CA10: variants seen among roughly 807,000 people sequenced by gnomAD.
CA10 encodes the protein carbonic anhydrase 10 (inactive), also known as carbonic anhydrase-related protein 10.
A neutral mutation model predicts 44.2 loss-of-function variants in CA10; 14 were observed. That is an observed-to-expected ratio of 0.32 (90% CI 0.21 to 0.50). The LOEUF (loss-of-function observed/expected upper bound fraction) is 0.50. Ranked by LOEUF, CA10 falls within the 20% of genes least tolerant of loss-of-function variation. The pLI is 0.99. For missense variants in CA10, 350 were observed against 409.7 expected (o/e 0.85, Z 1.26); for synonymous variants, 159 against 141.6 (o/e 1.12, Z -0.87).
chr17:52,023,603 C>T (rs190148948), intron 2 of CA10, among the ~76,000 whole-genome samples: 3 of 151,886 alleles, frequency 2.0e-5, no homozygotes, highest in Admixed American at 6.6e-5. Flanking sequence ...ACAAAAAAAC[C>T]TCCAACATTT....
intron 3 of CA10, among the ~76,000 whole-genome samples, chr17:51,897,792 C>T (rs1405229737): frequency 4.6e-5 from 7 of 151,996 alleles, no homozygotes; most frequent in Non-Finnish European, 8.8e-5. Flanking sequence ...CCCTGGTTAG[C>T]TGTATTCCTA....
At chr17:51,779,452 C>T (rs182089274) in intron 3 of CA10, among the ~76,000 whole-genome samples, 69 of 152,242 alleles carry the variant, frequency 4.5e-4, no homozygotes, top group Non-Finnish European at 6.6e-4. Context: ...CACAGGGTTA[C>T]GCTGGAAAAT....
chr17:52,015,119 T>C (rs544117687), intron 2 of CA10, among the ~76,000 whole-genome samples: 1 of 152,208 alleles, frequency 6.6e-6, no homozygotes, highest in South Asian at 2.1e-4. Flanking sequence ...AGTGTAGTGA[T>C]CCCTTCTAGT....
rs1904743576 is a variant in CA10 at position 51,747,691 on chromosome 17, C to T, written c.407G>A (p.Gly136Glu). Residue 136 changes from glycine to glutamate, a missense_variant, in exon 4 of 9, where the codon GGG becomes GAG. Physicochemically the swap from Gly to Glu is moderately conservative, Grantham distance 98. Transcript: ENST00000451037. ...CTCCGACCCTTGGCTGTCCTCACTC[C>T]CAAAGTGTAGTCGGATCTCCTCCAG... is the stretch of plus-strand genomic sequence containing the variant. The part of the protein sequence containing the change: ...HRLEEIRLHF[G>E]SEDSQGSEHL... 6.2e-7 allele frequency: 1 copy of T among 1,614,042 alleles called. No individual in the cohort carries two copies. The highest frequency in any genetic ancestry group is 8.5e-7 in the Non-Finnish European group (1 of 1,180,016).
In CA10 at chr17:51,653,734, C is replaced by T. The variant is rs1479552165; in HGVS notation, c.468G>A (p.Val156=). Residue 156 remains valine (V), a splice_region_variant and synonymous_variant, in exon 5 of 9, where the codon GTG becomes GTA. Transcript: ENST00000451037. The stretch of plus-strand genomic sequence containing the variant: ...GCTCATGGTTATAGTGGATGAGCTG[C>T]ACCTGGCAGGAGGGAAAAACAAGAA... ...LLNGQAFSGE[V]QLIHYNHELY... is the part of the protein sequence containing the mutation. 9 of 1,592,830 alleles carry T rather than the reference C, an allele frequency of 5.7e-6. No homozygotes were observed. The highest frequency in any genetic ancestry group is 6.9e-6 in the Non-Finnish European group (8 of 1,160,842).
intron 1 of CA10, among the ~76,000 whole-genome samples, chr17:52,118,790 T>A (rs1202597260): frequency 1.3e-5 from 2 of 152,218 alleles, no homozygotes; most frequent in East Asian, 3.8e-4. Context: ...TCTTTGTCAA[T>A]CGTGTTTTTG....
At chr17:51,735,176 A>T (rs539334067) in intron 4 of CA10, among the ~76,000 whole-genome samples, 1 of 152,298 alleles carries the variant, frequency 6.6e-6, no homozygotes, top group African/African-American at 2.4e-5. Flanking sequence ...AGAAATGCTG[A>T]CCCTGTATAT....
intron 1 of CA10, among the ~76,000 whole-genome samples, chr17:52,116,140 A>G (rs2143300263): frequency 6.6e-6 from 1 of 152,190 alleles, no homozygotes. Context: ...CATTTACATA[A>G]GAATAAGAGG....
intron 3 of CA10, among the ~76,000 whole-genome samples, chr17:51,913,772 G>C (rs868785078): frequency 6.6e-6 from 1 of 152,136 alleles, no homozygotes; most frequent in Non-Finnish European, 1.5e-5. Context: ...GTTTGGTGGG[G>C]ATGCTGAGCC....
At chr17:51,699,503 C>G (rs1442817764) in intron 4 of CA10, among the ~76,000 whole-genome samples, 1 of 152,142 alleles carries the variant, frequency 6.6e-6, no homozygotes, top group Admixed American at 6.5e-5. Flanking sequence ...AAATGCTTGT[C>G]TGCCAGCAGG....
chr17:51,762,680 A>G (rs532876008), intron 3 of CA10: 1 of 152,230 alleles, frequency 6.6e-6, no homozygotes, highest in South Asian at 2.1e-4. Flanking sequence ...CAAAATCTGT[A>G]TGGTAGGAAG....
intron 3 of CA10, among the ~76,000 whole-genome samples, chr17:51,811,202 A>C (rs1016489487): frequency 3.3e-5 from 5 of 152,186 alleles, no homozygotes; most frequent in Non-Finnish European, 5.9e-5. Flanking sequence ...AAAAAAAAAA[A>C]AAAAAATTCT....
chr17:52,098,653 G>A (rs944397295), intron 1 of CA10, among the ~76,000 whole-genome samples: 2 of 152,082 alleles, frequency 1.3e-5, no homozygotes, highest in African/African-American at 2.4e-5. Context: ...TTGTATACAC[G>A]TATCTCTTTG....
intron 3 of CA10, among the ~76,000 whole-genome samples, chr17:51,884,278 AG>A: frequency 6.6e-6 from 1 of 152,208 alleles, no homozygotes; most frequent in Non-Finnish European, 1.5e-5. Context: ...ACTCTAAAAC[AG>A]ATGGCCACTT....
At chr17:51,934,884 G>A (rs570539050) in intron 2 of CA10, among the ~76,000 whole-genome samples, 3 of 152,264 alleles carry the variant, frequency 2.0e-5, no homozygotes, top group African/African-American at 4.8e-5. Flanking sequence ...GACTAGGTCT[G>A]CAAATGTGGT....
chr17:51,859,465 C>T (rs951445997), intron 3 of CA10, among the ~76,000 whole-genome samples: 5 of 152,084 alleles, frequency 3.3e-5, no homozygotes, highest in Non-Finnish European at 1.5e-5. Context: ...AGGAGATCTG[C>T]CAATAATATA....
chr17:51,886,153 C>T (rs954358314), intron 3 of CA10, among the ~76,000 whole-genome samples: 5 of 152,186 alleles, frequency 3.3e-5, no homozygotes, highest in Non-Finnish European at 7.3e-5. Context: ...CCACAGCCAC[C>T]TGCATTATTT....
intron 3 of CA10, among the ~76,000 whole-genome samples, chr17:51,795,353 T>C (rs1226637254): frequency 6.6e-6 from 1 of 152,192 alleles, no homozygotes; most frequent in Non-Finnish European, 1.5e-5. Flanking sequence ...CACAATTCTG[T>C]TCTCACTAAT....
Position 52,080,947 on chromosome 17 carries a change from T to A in CA10, c.62-8554A>T, listed in dbSNP as rs1322503227. On this transcript the variant is annotated intron_variant, in intron 1 of 8. Coordinates refer to ENST00000451037, the MANE Select transcript of CA10 (RefSeq NM_020178.5). ...GTGAGTACCTATGATTGTCAGTAAGTATTCTAAGCATTGAGGGTACAAAGT... is the reference window on the plus strand; with the variant it reads ...GTGAGTACCTATGATTGTCAGTAAGAATTCTAAGCATTGAGGGTACAAAGT... Among the ~76,000 whole-genome samples, 3 of 152,328 alleles carry A rather than the reference T, an allele frequency of 2.0e-5. No homozygotes were observed. The East Asian group carries it at 5.8e-4, about 29-fold the overall frequency.
Sources: allele counts gnomAD v4.1 joint callset (sites outside exome capture counted in the v4.1 genomes callset), GRCh38; gene constraint gnomAD v4.1.1; transcripts MANE v1.5; gene names NCBI Gene and HGNC (gene_info 2026-07-23, HGNC 2026-07-21).